Variants in SAMD12 observed in about 807,000 individuals in gnomAD.
SAMD12 encodes sterile alpha motif domain-containing protein 12.
SAMD12 carries 9 observed loss-of-function variants against 15.0 expected under a neutral mutation model. The ratio of observed to expected loss-of-function variants is 0.60; its 90% CI spans 0.36 to 1.05. The LOEUF is 1.05. SAMD12 is among the 50% of genes least tolerant of loss of function. The pLI is 0.01. For missense variants in SAMD12, 230 were observed against 234.2 expected (o/e 0.98, Z 0.12); for synonymous variants, 86 against 90.1 (o/e 0.96, Z 0.25).
At chr8:118,141,894 G>C in the SAMD12 span, among the ~76,000 whole-genome samples, 1 of 152,168 alleles carries the variant, frequency 6.6e-6, no homozygotes, top group Admixed American at 6.5e-5. Context: ...CTTAGTCCTG[G>C]CCATCCCCTG....
intron 2 of SAMD12, among the ~76,000 whole-genome samples, chr8:118,448,699 C>T (rs1455177606): frequency 6.6e-6 from 1 of 152,208 alleles, no homozygotes; most frequent in Non-Finnish European, 1.5e-5. Context: ...CAGCTCACAT[C>T]TCTGACCCTC....
intron 4 of SAMD12, among the ~76,000 whole-genome samples, chr8:118,208,146 A>G (rs1040015612): frequency 6.6e-6 from 1 of 152,088 alleles, no homozygotes; most frequent in East Asian, 1.9e-4. Flanking sequence ...AATCCCAGCT[A>G]CTCGGGAGGC....
chr8:118,501,426 C>T (rs1824778801), intron 2 of SAMD12, among the ~76,000 whole-genome samples: 1 of 152,080 alleles, frequency 6.6e-6, no homozygotes, highest in Admixed American at 6.5e-5. Flanking sequence ...ATACTGTATA[C>T]CACATATATA....
At chr8:118,605,408 G>A (rs1336188747) in intron 1 of SAMD12, among the ~76,000 whole-genome samples, 3 of 152,174 alleles carry the variant, frequency 2.0e-5, no homozygotes, top group South Asian at 2.1e-4. Context: ...GTTACTCCAG[G>A]TACAGCTAGT....
At chr8:118,428,982 T>A (rs1017579714) in intron 3 of SAMD12, among the ~76,000 whole-genome samples, 1 of 152,210 alleles carries the variant, frequency 6.6e-6, no homozygotes, top group Non-Finnish European at 1.5e-5. Flanking sequence ...TTAAAAAATC[T>A]GGTGTTATAT....
chr8:118,610,072 C>G (rs1828069543), intron 1 of SAMD12, among the ~76,000 whole-genome samples: 1 of 152,178 alleles, frequency 6.6e-6, no homozygotes, highest in African/African-American at 2.4e-5. Flanking sequence ...ACAATGAATA[C>G]TTACTGTTCA....
the SAMD12 span, among the ~76,000 whole-genome samples, chr8:118,184,167 TA>T: frequency 3.0e-3 from 450 of 150,798 alleles, 1 homozygote; most frequent in South Asian, 9.1e-3. Flanking sequence ...CAAAATGAAA[TA>T]AAAAAAAATA....
chr8:118,448,190 C>A (rs965648805), intron 2 of SAMD12, among the ~76,000 whole-genome samples: 1 of 152,166 alleles, frequency 6.6e-6, no homozygotes, highest in Admixed American at 6.5e-5. Context: ...TCTTTCAAAG[C>A]CTTTGAGAAT....
intron 3 of SAMD12, among the ~76,000 whole-genome samples, chr8:118,424,084 G>T (rs1326340111): frequency 1.3e-5 from 2 of 151,968 alleles, no homozygotes; most frequent in Non-Finnish European, 2.9e-5. Context: ...AACACACTGG[G>T]CAAGGCAAAA....
At chr8:118,601,274 T>C (rs1827859894) in intron 1 of SAMD12, among the ~76,000 whole-genome samples, 1 of 152,172 alleles carries the variant, frequency 6.6e-6, no homozygotes, top group Non-Finnish European at 1.5e-5. Flanking sequence ...ATTCTTAAAT[T>C]TCTAATTGTA....
At chr8:118,340,183 A>T (rs1817280888) in intron 4 of SAMD12, among the ~76,000 whole-genome samples, 2 of 152,192 alleles carry the variant, frequency 1.3e-5, no homozygotes, top group South Asian at 4.1e-4. Context: ...ACGTTAAAAG[A>T]TACACAAATA....
chr8:118,371,990 C>T (rs1037118083), intron 4 of SAMD12, among the ~76,000 whole-genome samples: 2 of 151,956 alleles, frequency 1.3e-5, no homozygotes, highest in African/African-American at 4.8e-5. Flanking sequence ...TCATGCTATC[C>T]AATGATAAAG....
At chr8:118,354,012 A>T (rs987537866) in intron 4 of SAMD12, among the ~76,000 whole-genome samples, 1 of 152,094 alleles carries the variant, frequency 6.6e-6, no homozygotes, top group Non-Finnish European at 1.5e-5. Context: ...AGAGCTCTTT[A>T]ACACACTCCC....
chr8:118,421,646 A>G (rs577616909), intron 3 of SAMD12, among the ~76,000 whole-genome samples: 1 of 152,334 alleles, frequency 6.6e-6, no homozygotes, highest in Non-Finnish European at 1.5e-5. Flanking sequence ...CTATGGTGTG[A>G]CAGATTAGGG....
intron 4 of SAMD12, among the ~76,000 whole-genome samples, chr8:118,372,267 AT>A (rs1819143270): frequency 6.6e-6 from 1 of 152,136 alleles, no homozygotes; most frequent in African/African-American, 2.4e-5. Flanking sequence ...AGAAAGACAT[AT>A]CCTATTGCCT....
intron 3 of SAMD12, among the ~76,000 whole-genome samples, chr8:118,412,450 G>A (rs879342643): frequency 9.2e-5 from 14 of 152,256 alleles, no homozygotes; most frequent in South Asian, 4.1e-4. Context: ...GAAACAGTTC[G>A]TTGCTTGAGC....
intron 2 of SAMD12, among the ~76,000 whole-genome samples, chr8:118,578,049 T>C (rs1324904546): frequency 1.3e-5 from 2 of 152,212 alleles, no homozygotes; most frequent in African/African-American, 4.8e-5. Flanking sequence ...GCTCAAATTG[T>C]GGAAAACCCT....
intron 4 of SAMD12, among the ~76,000 whole-genome samples, chr8:118,246,199 ATC>A (rs1462302105): frequency 6.6e-6 from 1 of 152,134 alleles, no homozygotes; most frequent in Non-Finnish European, 1.5e-5. Flanking sequence ...CCTCCAAAGT[ATC>A]TGTTATTCTT....
At chr8:118,428,923 C>T (rs971947446) in intron 3 of SAMD12, among the ~76,000 whole-genome samples, 4 of 152,060 alleles carry the variant, frequency 2.6e-5, no homozygotes, top group Non-Finnish European at 5.9e-5. Flanking sequence ...ACTACTCTAA[C>T]GTCTTTGCAC....
Sources: allele counts gnomAD v4.1 joint callset (sites outside exome capture counted in the v4.1 genomes callset), GRCh38; gene constraint gnomAD v4.1.1; transcripts MANE v1.5; gene names NCBI Gene and HGNC (gene_info 2026-07-23, HGNC 2026-07-21).